CFAP74: variants seen among roughly 807,000 people sequenced by gnomAD.
CFAP74 encodes the protein cilia and flagella associated protein 74.
In CFAP74, 124 loss-of-function variants were observed where a neutral mutation model predicts 188.9. That is an observed-to-expected ratio of 0.66 (90% CI 0.57 to 0.76). The LOEUF is 0.76. Ranked by LOEUF, CFAP74 falls within the 30% of genes least tolerant of loss-of-function variation. The probability of loss-of-function intolerance (pLI) is 0.00; values close to 1 mark genes in which losing one functional copy is unlikely to be tolerated. For synonymous variants in CFAP74, 956 were observed against 916.7 expected, an observed-to-expected ratio of 1.04 and a Z score of -0.77; for missense variants, 2,198 against 2,165.2, an observed-to-expected ratio of 1.02 and a Z score of -0.30.
intron 25 of CFAP74, among the ~76,000 whole-genome samples, chr1:1,938,072 AACAC>A: frequency 6.8e-6 from 1 of 148,046 alleles, no homozygotes; most frequent in South Asian, 2.2e-4. Context: ...TTACACACCC[AACAC>A]ACACGCACTC....
chr1:2,002,736 C>T (rs1658267566), intron 1 of CFAP74, among the ~76,000 whole-genome samples: 1 of 149,302 alleles, frequency 6.7e-6, no homozygotes, highest in African/African-American at 2.5e-5. Flanking sequence ...ATTAAACTTA[C>T]ATAAAACTAT....
chr1:1,972,079 G>T lies in CFAP74; in HGVS notation c.789C>A (p.Ile263=). The change falls in exon 9 of 39, where the codon ATC becomes ATA. Residue 263 remains isoleucine (I), a synonymous_variant. Coordinates refer to ENST00000682832, the MANE Select transcript of CFAP74 (RefSeq NM_001304360.2). ...TCTCCTCCTTCTTCTCTTGCTCTCG[G>T]ATTCTGAGGAAGGACATTTAAACAT... ...VRFLKASLGR[I]REQEKKEEME... 1.2e-6 allele frequency: 2 copies of T among 1,610,772 alleles called. No individual in the cohort carries two copies. The highest frequency in any genetic ancestry group is 8.5e-7 in the Non-Finnish European group (1 of 1,178,774).
At chr1:1,926,401 C>G (rs1038516937) in intron 31 of CFAP74, 54 bp from the exon 32 acceptor site, 2 of 1,550,100 alleles carry the variant, frequency 1.3e-6, no homozygotes, top group African/African-American at 2.7e-5. Flanking sequence ...CTACCACGCC[C>G]TCCCCGGTCC....
At position 1,993,215 on chromosome 1, in the gene CFAP74, A is replaced by G. The variant is rs867433734; in HGVS notation, c.-19-2240T>C. ...GACTGTCTCAAAAAAAAAAAAAAAA[A>G]AAAGAAACAATGTTAAAATCACAAA... On this transcript the variant is annotated intron_variant, in intron 1 of 38. Transcript: ENST00000682832. Among the ~76,000 whole-genome samples, 708 of 151,854 alleles carry G rather than the reference A, an allele frequency of 4.7e-3. 3 individuals carry two copies. Among genetic ancestry groups the G allele is most frequent in the African/African-American group, 0.016 (643 of 41,392 alleles).
chr1:1,993,936 C>G (rs1030534924), intron 1 of CFAP74, among the ~76,000 whole-genome samples: 3 of 150,050 alleles, frequency 2.0e-5, no homozygotes, highest in Admixed American at 6.6e-5. Flanking sequence ...GAGCCGAGAT[C>G]ACACCACTGC....
intron 19 of CFAP74, 86 bp downstream of exon 19, chr1:1,946,904 C>T (rs1191801427): frequency 2.8e-6 from 3 of 1,059,588 alleles, no homozygotes; most frequent in Non-Finnish European, 4.2e-6. Context: ...CAGTGAGGGC[C>T]AGTGGGTTGG....
chr1:1,968,006 G>A lies in CFAP74; in HGVS notation c.1245+629C>T, dbSNP rs534634120. ...AGAATGAATGAGTGAATGAGTGAGC[G>A]AATGAGTGAATGAATGAGTGAATGA... On this transcript the variant is annotated intron_variant, in intron 11 of 38. Transcript: ENST00000682832. This position sits in a 1 kb window ranked among gnomAD's most constrained non-coding sequence, Gnocchi z 4.3. Among the ~76,000 whole-genome samples the A allele has an allele frequency of 1.7e-4, 24 of 142,800 alleles. No individual in the cohort carries two copies. The East Asian group carries it at 4.1e-3, about 24-fold the overall frequency. The allele number at this position is 142,800 out of a possible 152,430, so 93.7% of individuals were successfully genotyped here.
At chr1:1,938,257 T>G (rs1008415618) in intron 25 of CFAP74, among the ~76,000 whole-genome samples, 5 of 147,656 alleles carry the variant, frequency 3.4e-5, no homozygotes, top group African/African-American at 1.3e-4. Flanking sequence ...GCACTCACAC[T>G]CAACCTTACA....
At chr1:1,959,508 C>T (rs1378663771) in intron 15 of CFAP74, among the ~76,000 whole-genome samples, 1 of 152,234 alleles carries the variant, frequency 6.6e-6, no homozygotes, top group Non-Finnish European at 1.5e-5. Context: ...TCAAGCGACC[C>T]TCCTGCCTTG....
At chr1:1,969,561 G>A (rs1343665223) in intron 10 of CFAP74, among the ~76,000 whole-genome samples, 1 of 152,148 alleles carries the variant, frequency 6.6e-6, no homozygotes, top group East Asian at 1.9e-4. Flanking sequence ...TTATTTCTAG[G>A]CTGGCGTGGG....
At chr1:1,947,184 C>T (rs985115365) in intron 18 of CFAP74, 130 bp from the exon 19 acceptor site, 6 of 733,248 alleles carry the variant, frequency 8.2e-6, no homozygotes, top group African/African-American at 7.0e-5. Context: ...CATAGTGGAG[C>T]CATCCGTGTG....
rs556417603 is a variant in CFAP74, at chr1:1,993,195, T to C, written c.-19-2220A>G. Among the ~76,000 whole-genome samples the C allele has an allele frequency of 4.8e-5, 5 of 103,630 alleles. No homozygotes were observed. In the East Asian group the frequency reaches 1.2e-3, roughly 24 times the overall value. The allele number at this position is 103,630 out of a possible 152,430, so 68.0% of individuals were successfully genotyped here. A position where few individuals can be genotyped will look rare whatever the true frequency, so the allele number is the denominator to read the frequency against. ...TAGCCTGGGCGACAGGGGAAGACTG[T>C]CTCAAAAAAAAAAAAAAAAAAAAGA... On this transcript the variant is annotated intron_variant, in intron 1 of 38. Transcript: ENST00000682832.
At chr1:1,958,561 C>A (rs1261002822) in intron 16 of CFAP74, among the ~76,000 whole-genome samples, 1 of 152,162 alleles carries the variant, frequency 6.6e-6, no homozygotes, top group Non-Finnish European at 1.5e-5. Context: ...TGTGTGGGTT[C>A]CTGGTTTACT....
At chr1:1,951,583 G>T (rs772910701) in intron 18 of CFAP74, among the ~76,000 whole-genome samples, 1 of 152,170 alleles carries the variant, frequency 6.6e-6, no homozygotes, top group Non-Finnish European at 1.5e-5. Flanking sequence ...GTAAGTCCTT[G>T]AAATTTGTTT....
At chr1:1,994,683 G>A (rs1007606454) in intron 1 of CFAP74, among the ~76,000 whole-genome samples, 4 of 152,170 alleles carry the variant, frequency 2.6e-5, no homozygotes, top group South Asian at 4.1e-4. Flanking sequence ...TGGACACCCC[G>A]TGGATGTCAG....
intron 1 of CFAP74, among the ~76,000 whole-genome samples, chr1:1,999,043 T>C (rs2102121789): frequency 1.3e-5 from 2 of 152,324 alleles, no homozygotes; most frequent in South Asian, 4.1e-4. Flanking sequence ...AATGTGTGTG[T>C]GTGTCTACAT....
rs1310348609 is a variant in CFAP74, at chr1:1,922,297, G to A, written c.4910C>T (p.Thr1637Ile). ...GCTCTGTGCAGAGGCTTAGGGGCCA[G>A]TCAACACCTGGGCTACAAAGATGAC... is the stretch of plus-strand genomic sequence containing the variant. ...YKVIFVAQVLTGP is the reference protein window; with the variant it reads ...YKVIFVAQVLIGP The change falls in exon 39 of 39, where the codon ACT becomes ATT. Residue 1637 changes from threonine (T) to isoleucine (I), a missense_variant. Transcript: ENST00000682832. 6.2e-7 allele frequency: 1 copy of A among 1,608,588 alleles called. No individual in the cohort carries two copies. The highest frequency in any genetic ancestry group is 8.5e-7 in the Non-Finnish European group (1 of 1,178,432).
intron 1 of CFAP74, among the ~76,000 whole-genome samples, chr1:1,991,556 T>C (rs535391124): frequency 6.6e-6 from 1 of 152,082 alleles, no homozygotes; most frequent in South Asian, 2.1e-4. Flanking sequence ...TGAGCCGAGA[T>C]AGTGCCACTG....
Position 1,988,927 on chromosome 1 carries a change from T to A in CFAP74, c.114A>T (p.Leu38=). Residue 38 remains leucine, a synonymous_variant, in exon 3 of 39, where the codon CTA becomes CTT. Transcript: ENST00000682832. The stretch of plus-strand genomic sequence containing the variant: ...GGTCCACGTCATCCTCAGCTTCCTG[T>A]AGAAGACATTTGATGTCAAACTCCG... ...EDPEFDIKCL[L]QEAEDDVDPG... is the part of the protein sequence containing the mutation. The A allele has an allele frequency of 6.3e-7, 1 of 1,576,328 alleles. No individual in the cohort carries two copies. Among genetic ancestry groups the A allele is most frequent in the Non-Finnish European group, 8.6e-7 (1 of 1,160,748 alleles).
Sources: allele counts gnomAD v4.1 joint callset (sites outside exome capture counted in the v4.1 genomes callset), GRCh38; gene constraint gnomAD v4.1.1; non-coding constraint Gnocchi (gnomAD v3.1); transcripts MANE v1.5; gene names NCBI Gene and HGNC (gene_info 2026-07-23, HGNC 2026-07-21).